HMCN1: variants seen among roughly 807,000 people sequenced by gnomAD.
HMCN1 encodes hemicentin 1, also known as hemicentin-1.
Under a neutral mutation model 625.9 loss-of-function variants are expected in HMCN1, and 321 were observed. The ratio of observed to expected loss-of-function variants is 0.51; its 90% CI spans 0.47 to 0.56. HMCN1 has a LOEUF of 0.56. Ranked by LOEUF, HMCN1 falls within the 20% of genes least tolerant of loss-of-function variation. The pLI, the probability that HMCN1 is intolerant of heterozygous loss-of-function variation, is 0.00. For synonymous variants in HMCN1, 2,425 were observed against 2,417.6 expected (o/e 1.00, Z -0.09); for missense variants, 6,588 against 6,887.3 (o/e 0.96, Z 1.54).
At chr1:186,020,245 A>AGATAGATG (rs1654634990) in intron 35 of HMCN1, among the ~76,000 whole-genome samples, 1 of 151,542 alleles carries the variant, frequency 6.6e-6, no homozygotes, top group Non-Finnish European at 1.5e-5. Flanking sequence ...GATGATAGAT[A>AGATAGATG]GATAGATAGA....
At chr1:186,107,000 C>T in intron 70 of HMCN1, 35 bp downstream of exon 70, 2 of 1,253,508 alleles carry the variant, frequency 1.6e-6, no homozygotes, top group African/African-American at 1.5e-5. Flanking sequence ...GTCTATCATA[C>T]ACACACCTAA....
At chr1:186,090,498 A>G (rs941373878) in intron 63 of HMCN1, among the ~76,000 whole-genome samples, 1 of 152,014 alleles carries the variant, frequency 6.6e-6, no homozygotes, top group Non-Finnish European at 1.5e-5. Flanking sequence ...TAATTTGGCC[A>G]GAAAGGGTGA....
chr1:186,144,323 G>T lies in HMCN1; in HGVS notation c.14075G>T (p.Cys4692Phe). The T allele has an allele frequency of 6.2e-7, 1 of 1,613,666 alleles. No individual in the cohort carries two copies. The highest frequency in any genetic ancestry group is 1.3e-5 in the African/African-American group (1 of 75,024). ...CDGAETQMQV[C>F]NERNCPIHGK... ...GGAGCAGAAACACAGATGCAAGTTTGCAATGAAAGAAATTGTCCAAGTAAG... is the reference window on the plus strand; with the variant it reads ...GGAGCAGAAACACAGATGCAAGTTTTCAATGAAAGAAATTGTCCAAGTAAG... The change falls in exon 90 of 107, where the codon TGC becomes TTC. Residue 4692 changes from cysteine to phenylalanine, a missense_variant. Cys to Phe is a radical substitution (Grantham distance 205, BLOSUM62 -2). Coordinates refer to ENST00000271588, the MANE Select transcript of HMCN1 (RefSeq NM_031935.3).
At chr1:185,760,511 AC>A (rs1310266843) in intron 1 of HMCN1, among the ~76,000 whole-genome samples, 1 of 152,108 alleles carries the variant, frequency 6.6e-6, no homozygotes, top group African/African-American at 2.4e-5. Context: ...ATAACAATTC[AC>A]TTTGTTTTTT....
rs1239193190 is a variant in HMCN1, at chr1:186,182,206, G to A, written c.16333G>A (p.Glu5445Lys). Residue 5445 changes from glutamate to lysine, a missense_variant, in exon 105 of 107, where the codon GAG becomes AAG. Around this residue, in one of 3 missense-constraint regions of HMCN1, gnomAD observed 1,954 missense variants for 2,013.1 expected, o/e 0.97. Transcript: ENST00000271588. ...TGAAAATACAGATGCCTGCCAGCAT[G>A]AGTGTAAGAATACCTTTGGAAGTTA... is the stretch of plus-strand genomic sequence containing the variant. ...ECENTDACQH[E>K]CKNTFGSYQC... 2.5e-6 allele frequency: 4 copies of A among 1,613,272 alleles called. No individual in the cohort carries two copies. The highest frequency in any genetic ancestry group is 3.4e-6 in the Non-Finnish European group (4 of 1,179,450).
chr1:185,895,053 G>T (rs1665408967), intron 4 of HMCN1, among the ~76,000 whole-genome samples: 1 of 152,048 alleles, frequency 6.6e-6, no homozygotes, highest in Non-Finnish European at 1.5e-5. Context: ...GGAGTTGGGG[G>T]TGACTTAACA....
In HMCN1 at chr1:186,086,398, A is replaced by G. The variant is rs946429129; in HGVS notation, c.9037A>G (p.Ile3013Val). The G allele has an allele frequency of 6.2e-7, 1 of 1,609,724 alleles. No homozygotes were observed. Among genetic ancestry groups the G allele is most frequent in the Non-Finnish European group, 8.5e-7 (1 of 1,176,412 alleles). The change falls in exon 58 of 107, where the codon ATT becomes GTT. Residue 3013 changes from isoleucine to valine, a missense_variant. By Grantham distance (29) the Ile-to-Val change is conservative. This residue lies in a region of HMCN1 where 4,628 missense variants were observed against 4,853.1 expected (regional missense o/e 0.95). Coordinates refer to ENST00000271588, the MANE Select transcript of HMCN1 (RefSeq NM_031935.3). ...QPIKLNTNTL[I>V]VPGGRTLQII... Reference sequence around the variant, plus strand: ...CATCAAACTGAACACAAATACTCTCATTGTGCCTGGTAAGGAACTTCTTAT... The same window carrying G: ...CATCAAACTGAACACAAATACTCTCGTTGTGCCTGGTAAGGAACTTCTTAT...
intron 93 of HMCN1, among the ~76,000 whole-genome samples, chr1:186,150,355 A>G (rs868017108): frequency 2.0e-5 from 3 of 152,200 alleles, no homozygotes; most frequent in Non-Finnish European, 4.4e-5. Context: ...TTAACCACCT[A>G]TTCTGTGCTA....
intron 6 of HMCN1, among the ~76,000 whole-genome samples, chr1:185,921,408 C>T (rs913392887): frequency 8.5e-5 from 13 of 152,238 alleles, no homozygotes; most frequent in Middle Eastern, 3.4e-3. Context: ...GGGAATATTG[C>T]GTAGTTTGCA....
chr1:185,891,648 T>C, intron 4 of HMCN1, among the ~76,000 whole-genome samples: 1 of 148,178 alleles, frequency 6.7e-6, no homozygotes, highest in Non-Finnish European at 1.5e-5. Context: ...CCCCACTCTC[T>C]TCTGGCTTGT....
At chr1:186,084,691 A>T (rs531985405) in intron 57 of HMCN1, among the ~76,000 whole-genome samples, 1 of 151,520 alleles carries the variant, frequency 6.6e-6, no homozygotes, top group African/African-American at 2.4e-5. Flanking sequence ...TCTTCTCATC[A>T]CTCTTGCTCA....
intron 89 of HMCN1, among the ~76,000 whole-genome samples, chr1:186,139,730 A>G (rs887544742): frequency 6.6e-6 from 1 of 152,096 alleles, no homozygotes; most frequent in Non-Finnish European, 1.5e-5. Context: ...TCTTCCCAAT[A>G]AGAGCATGTA....
rs1291574728 is a variant in HMCN1 at position 186,003,832 on chromosome 1, T to A, written c.4463T>A (p.Phe1488Tyr). 3.7e-6 allele frequency: 6 copies of A among 1,613,198 alleles called. No homozygotes were observed. In the East Asian group the frequency reaches 1.3e-4, roughly 36 times the overall value. ...KGTPFPDIHW[F>Y]KDGKPLFLGD... ...ACTCCCTTTCCTGATATTCATTGGT[T>A]CAAAGATGGCAAGTGAGTATCTTTT... Residue 1488 changes from phenylalanine to tyrosine, a missense_variant, in exon 29 of 107, where the codon TTC becomes TAC. Transcript: ENST00000271588.
Position 186,000,013 on chromosome 1 carries a change from A to G in HMCN1, c.3875-32A>G, listed in dbSNP as rs1358769604. The G allele has an allele frequency of 2.0e-6, 3 of 1,482,792 alleles. No individual in the cohort carries two copies. In the Admixed American group the frequency reaches 5.3e-5, roughly 26 times the overall value. The allele number at this position is 1,482,792 out of a possible 1,614,324, so 91.9% of individuals were successfully genotyped here. ...ATTTAATAATTTCTGTTTTTGTTGT[A>G]AAATATCACAAGACTTTAATTTCTT... On this transcript the variant is annotated intron_variant, in intron 25 of 106. Transcript: ENST00000271588.
intron 4 of HMCN1, among the ~76,000 whole-genome samples, chr1:185,877,988 T>C (rs1233631267): frequency 6.6e-6 from 1 of 152,136 alleles, no homozygotes; most frequent in Non-Finnish European, 1.5e-5. Context: ...GAACATTCAG[T>C]ATTTGTTTTT....
chr1:185,787,141 A>ATGTGTGTG lies in HMCN1; in HGVS notation c.268+52125_268+52132dup, dbSNP rs375544191. 2.0e-3 allele frequency among the ~76,000 whole-genome samples: 281 copies of ATGTGTGTG among 141,340 alleles called. 1 individual carries two copies. Among genetic ancestry groups the ATGTGTGTG allele is most frequent in the Non-Finnish European group, 2.1e-3 (132 of 64,168 alleles). The allele number at this position is 141,340 out of a possible 152,430, so 92.7% of individuals were successfully genotyped here. A position where few individuals can be genotyped will look rare whatever the true frequency, so the allele number is the denominator to read the frequency against. On this transcript the variant is annotated intron_variant, in intron 1 of 106. Transcript: ENST00000271588. ...AAAATTGTATGAAGCGCCATGATGT[A>ATGTGTGTG]TGTGTGTGTGTGTGTGTGTGTGTGT...
chr1:185,977,741 TG>T, intron 15 of HMCN1, 45 bp from the exon 16 acceptor site: 1 of 1,127,230 alleles, frequency 8.9e-7, no homozygotes, highest in South Asian at 1.2e-5. Flanking sequence ...TTAATATGCC[TG>T]TATAATATAC....
At chr1:186,123,919 T>G (rs1571385410) in intron 81 of HMCN1, among the ~76,000 whole-genome samples, 1 of 152,218 alleles carries the variant, frequency 6.6e-6, no homozygotes, top group Admixed American at 6.5e-5. Context: ...CAAGTGTATT[T>G]TAATTTTCTG....
chr1:186,105,880 T>C (rs573761305), intron 69 of HMCN1, among the ~76,000 whole-genome samples: 1 of 152,310 alleles, frequency 6.6e-6, no homozygotes, highest in East Asian at 1.9e-4. Context: ...AAGAGTTAGT[T>C]TTAGAGATTT....
Sources: allele counts gnomAD v4.1 joint callset (sites outside exome capture counted in the v4.1 genomes callset), GRCh38; gene constraint gnomAD v4.1.1; regional missense constraint gnomAD v4.1.1; transcripts MANE v1.5; gene names NCBI Gene and HGNC (gene_info 2026-07-23, HGNC 2026-07-21).